Variants in MIOX observed in about 807,000 individuals in gnomAD.
MIOX encodes myo-inositol oxygenase, also known as inositol oxygenase.
MIOX carries 51 observed loss-of-function variants against 42.7 expected under a neutral mutation model. That is an observed-to-expected ratio of 1.19 (90% confidence interval 0.95 to 1.51). MIOX has a LOEUF of 1.51. Among genes scored for constraint, MIOX ranks in the 40% most tolerant of loss-of-function variants. The probability of loss-of-function intolerance (pLI) is 0.00; values close to 1 mark genes in which losing one functional copy is unlikely to be tolerated. For synonymous variants in MIOX, 168 were observed against 154.4 expected, an observed-to-expected ratio of 1.09 and a Z score of -0.65; for missense variants, 395 against 381.3, an observed-to-expected ratio of 1.04 and a Z score of -0.30.
In MIOX at chr22:50,489,442, C is replaced by G. The variant is rs145165581; in HGVS notation, c.632C>G (p.Pro211Arg). The G allele has an allele frequency of 5.6e-6, 9 of 1,606,966 alleles. No individual in the cohort carries two copies. In the African/African-American group the frequency reaches 1.2e-4, roughly 22 times the overall value. ...VMKFNKFSLP[P>R]EAFYMIRFHS... ...AAGTTTAACAAGTTCTCACTGCCCCCTGAGGTAGGTGGGGGGAGGGGCAAC... is the reference window on the plus strand; with the variant it reads ...AAGTTTAACAAGTTCTCACTGCCCCGTGAGGTAGGTGGGGGGAGGGGCAAC... The change falls in exon 8 of 10, where the codon CCT becomes CGT. Residue 211 changes from proline (P) to arginine (R), a missense_variant. Physicochemically the swap from Pro to Arg is moderately radical, Grantham distance 103. Coordinates refer to ENST00000216075, the MANE Select transcript of MIOX (RefSeq NM_017584.6).
intron 9 of MIOX, 52 bp downstream of exon 9, chr22:50,489,696 G>GGT (rs781688577): frequency 1.9e-5 from 31 of 1,606,352 alleles, no homozygotes; most frequent in Admixed American, 5.0e-5. Context: ...GAGGGGGTTG[G>GGT]GTGGGGGGCC....
chr22:50,489,656 T>C lies in MIOX; in HGVS notation c.749+12T>C. The C allele has an allele frequency of 6.3e-7, 1 of 1,582,170 alleles. No individual in the cohort carries two copies. The highest frequency in any genetic ancestry group is 8.6e-7 in the Non-Finnish European group (1 of 1,162,010). ...GTGCGGGAGTTCAAGTACGCCCCGC[T>C]ACCCGCCGAGGGGTGTTGTGGGAGT... On this transcript the variant is annotated intron_variant, in intron 9 of 9. Transcript: ENST00000216075.
rs781251607 is a variant in MIOX, at chr22:50,487,936, C to T, written c.228C>T (p.Ala76=). Residue 76 remains alanine (A), a synonymous_variant, in exon 4 of 10, where the codon GCC becomes GCT. Transcript: ENST00000216075. ...ACAAGAAAATGACAGTCATGGAGGCCGTGGACCTGCTGGATGGGCTGGTGG... is the reference window on the plus strand; with the variant it reads ...ACAAGAAAATGACAGTCATGGAGGCTGTGGACCTGCTGGATGGGCTGGTGG... ...FSYKKMTVME[A]VDLLDGLVDE... 12 of 1,613,898 alleles carry T rather than the reference C, an allele frequency of 7.4e-6. No individual in the cohort carries two copies. Among genetic ancestry groups the T allele is most frequent in the South Asian group, 6.6e-5 (6 of 91,088 alleles).
At position 50,487,758 on chromosome 22, in the gene MIOX, C is replaced by T. The variant is rs768389497; in HGVS notation, c.177+16C>T. 1.8e-5 allele frequency: 29 copies of T among 1,613,312 alleles called. No individual in the cohort carries two copies. The highest frequency in any genetic ancestry group is 3.3e-5 in the Admixed American group (2 of 59,970). On this transcript the variant is annotated intron_variant, in intron 3 of 9. Coordinates refer to ENST00000216075, the MANE Select transcript of MIOX (RefSeq NM_017584.6). Reference sequence around the variant, plus strand: ...CAGGAGCAAGGTAGGCGTTTCCTGCCGCCCCGTGCAAACGCGGAGGGACCC... The same window carrying T: ...CAGGAGCAAGGTAGGCGTTTCCTGCTGCCCCGTGCAAACGCGGAGGGACCC...
In MIOX at chr22:50,489,955, C is replaced by G; in HGVS notation, c.*99C>G. ...AAACAGCCGCCATCAGGGTTCACCT[C>G]GGTGGGGGACCCCACTCACCCCCTT... On this transcript the variant is annotated 3_prime_UTR_variant, in exon 10 of 10. Transcript: ENST00000216075. 8.7e-7 allele frequency: 1 copy of G among 1,152,888 alleles called. No homozygotes were observed. The allele number at this position is 1,152,888 out of a possible 1,614,324, so 71.4% of individuals were successfully genotyped here.
In MIOX at chr22:50,486,931, T is replaced by C. The variant is rs750227388; in HGVS notation, c.15+19T>C. On this transcript the variant is annotated intron_variant, in intron 1 of 9. Transcript: ENST00000216075. Reference sequence around the variant, plus strand: ...GACGGTGGTGAGTACCCAGACCCCATGCAGAGAGGCTCTGCTGACTGCTCT... The same window carrying C: ...GACGGTGGTGAGTACCCAGACCCCACGCAGAGAGGCTCTGCTGACTGCTCT... 3 of 1,613,504 alleles carry C rather than the reference T, an allele frequency of 1.9e-6. No individual in the cohort carries two copies. Among genetic ancestry groups the C allele is most frequent in the Admixed American group, 3.3e-5 (2 of 59,992 alleles).
rs1416761470 is a variant in MIOX at position 50,490,290 on chromosome 22, A to G, written c.*434A>G. 1.0e-5 allele frequency: 2 copies of G among 198,136 alleles called. No homozygotes were observed. The highest frequency in any genetic ancestry group is 5.3e-5 in the Admixed American group (1 of 18,940). 12.3% of individuals were successfully genotyped at this position (198,136 alleles called of 1,614,324 possible). A position where few individuals can be genotyped will look rare whatever the true frequency, so the allele number is the denominator to read the frequency against. On this transcript the variant is annotated 3_prime_UTR_variant, in exon 10 of 10. Coordinates refer to ENST00000216075, the MANE Select transcript of MIOX (RefSeq NM_017584.6). ...CTCCGTCCCCTTAAAAAATACCCCA[A>G]TAGCTAAAATAATACATTCATAGAA...
rs763980178 is a variant in MIOX at position 50,487,683 on chromosome 22, G to T, written c.118G>T (p.Val40Phe). 1 of 1,613,530 alleles carries T rather than the reference G, an allele frequency of 6.2e-7. No homozygotes were observed. Among genetic ancestry groups the T allele is most frequent in the South Asian group, 1.1e-5 (1 of 91,084 alleles). Residue 40 changes from valine (V) to phenylalanine (F), a missense_variant, in exon 3 of 10, where the codon GTC (valine) becomes TTC (phenylalanine). Coordinates refer to ENST00000216075, the MANE Select transcript of MIOX (RefSeq NM_017584.6). The part of the protein sequence containing the change: ...NYTSGPLLDR[V>F]FTTYKLMHTH... Reference sequence around the variant, plus strand: ...GCAGTCAGGTCCCCTCCTGGACCGTGTCTTCACCACCTACAAGCTCATGCA... The same window carrying T: ...GCAGTCAGGTCCCCTCCTGGACCGTTTCTTCACCACCTACAAGCTCATGCA...
At chr22:50,489,198 A>C in intron 6 of MIOX, 30 bp from the exon 7 acceptor site, 1 of 1,611,384 alleles carries the variant, frequency 6.2e-7, no homozygotes. Context: ...GCGGCTGCTG[A>C]GCCCTCCTCA....
chr22:50,488,946 C>T (rs752102780), intron 5 of MIOX, 94 bp from the exon 6 acceptor site: 29 of 875,326 alleles, frequency 3.3e-5, no homozygotes, highest in African/African-American at 2.6e-4. Flanking sequence ...CCCCCATGGC[C>T]GCCCGTCCCT....
chr22:50,487,912 C>T lies in MIOX; in HGVS notation c.204C>T (p.Tyr68=). 1.2e-6 allele frequency: 2 copies of T among 1,613,966 alleles called. No homozygotes were observed. Among genetic ancestry groups the T allele is most frequent in the Non-Finnish European group, 1.7e-6 (2 of 1,179,904 alleles). The change falls in exon 4 of 10, where the codon TAC becomes TAT. Residue 68 remains tyrosine (Y), a synonymous_variant. Transcript: ENST00000216075. ...ATGCCCAGTTTGGGGGCTTCTCCTA[C>T]AAGAAAATGACAGTCATGGAGGCCG... ...SKHAQFGGFS[Y]KKMTVMEAVD...
chr22:50,487,471 T>A lies in MIOX; in HGVS notation c.96+6T>A. The A allele has an allele frequency of 6.2e-7, 1 of 1,611,338 alleles. No homozygotes were observed. The highest frequency in any genetic ancestry group is 1.7e-4 in the Middle Eastern group (1 of 6,058). On this transcript the variant is annotated splice_donor_region_variant and intron_variant, in intron 2 of 9. Transcript: ENST00000216075. ...CCAGCTTCCGGAACTACACGGTGAG[T>A]ACCTTGCCGTCCTGCCCCCCTTCTC...
chr22:50,489,702 G>A (rs572471513), intron 9 of MIOX, 46 bp from the exon 10 acceptor site: 22 of 1,606,690 alleles, frequency 1.4e-5, no homozygotes, highest in Non-Finnish European at 1.8e-5. Context: ...GTTGGGTGGG[G>A]GGCCTGGGGG....
At chr22:50,488,222 C>G in intron 4 of MIOX, 53 bp from the exon 5 acceptor site, 1 of 1,610,866 alleles carries the variant, frequency 6.2e-7, no homozygotes, top group Non-Finnish European at 8.5e-7. Context: ...ACCTGCTCAT[C>G]CTCTGCCTTG....
At chr22:50,487,319 G>A in intron 1 of MIOX, 66 bp from the exon 2 acceptor site, 1 of 1,374,166 alleles carries the variant, frequency 7.3e-7, no homozygotes, top group Non-Finnish European at 1.0e-6. Flanking sequence ...GCCACCCTGG[G>A]AATGTCTGTG....
chr22:50,489,685 A>C, intron 9 of MIOX, 41 bp downstream of exon 9: 2 of 1,003,514 alleles, frequency 2.0e-6, no homozygotes, highest in Non-Finnish European at 2.9e-6. Context: ...TGGGAGTGAA[A>C]GAGGGGGTTG....
chr22:50,489,978 C>G lies in MIOX; in HGVS notation c.*122C>G, dbSNP rs2068341117. Reference sequence around the variant, plus strand: ...CTCGGTGGGGGACCCCACTCACCCCCTTAGGGTCGCCACCCCTCACGGCAA... The same window carrying G: ...CTCGGTGGGGGACCCCACTCACCCCGTTAGGGTCGCCACCCCTCACGGCAA... On this transcript the variant is annotated 3_prime_UTR_variant, in exon 10 of 10. Transcript: ENST00000216075. 1.2e-6 allele frequency: 1 copy of G among 855,594 alleles called. No homozygotes were observed. 53.0% of individuals were successfully genotyped at this position (855,594 alleles called of 1,614,324 possible).
intron 3 of MIOX, 46 bp downstream of exon 3, chr22:50,487,788 C>T (rs749519444): frequency 5.6e-6 from 9 of 1,611,630 alleles, no homozygotes; most frequent in African/African-American, 5.3e-5. Context: ...GGACCCTTGC[C>T]CTCAGCCCCA....
chr22:50,488,475 C>A (rs1161850324), intron 5 of MIOX, 133 bp downstream of exon 5: 2 of 695,462 alleles, frequency 2.9e-6, no homozygotes, highest in African/African-American at 3.7e-5. Context: ...CGACGGCTGC[C>A]TGTCCCTCTG....
Sources: allele counts gnomAD v4.1 joint callset, GRCh38; gene constraint gnomAD v4.1.1; transcripts MANE v1.5; gene names NCBI Gene and HGNC (gene_info 2026-07-23, HGNC 2026-07-21).